BBS9: variants seen among roughly 807,000 people sequenced by gnomAD.
BBS9 encodes Bardet-Biedl syndrome 9, also known as protein PTHB1.
BBS9 carries 89 observed loss-of-function variants against 117.7 expected under a neutral mutation model. The observed-to-expected ratio is 0.76, with a 90% CI of 0.64 to 0.90. The LOEUF (loss-of-function observed/expected upper bound fraction) is 0.90. Ranked by LOEUF, BBS9 falls within the 40% of genes least tolerant of loss-of-function variation. BBS9 has a pLI of 0.00. For synonymous variants in BBS9, 379 were observed against 370.9 expected, an observed-to-expected ratio of 1.02 and a Z score of -0.25; for missense variants, 982 against 1,042.2, an observed-to-expected ratio of 0.94 and a Z score of 0.80.
intron 9 of BBS9, among the ~76,000 whole-genome samples, chr7:33,311,744 G>A (rs1464620174): frequency 1.3e-5 from 2 of 151,934 alleles, no homozygotes; most frequent in Non-Finnish European, 2.9e-5. Context: ...TTGAACCTGA[G>A]AGGCGGAGGT....
chr7:33,252,916 A>G (rs1796446248), intron 5 of BBS9, among the ~76,000 whole-genome samples: 1 of 152,224 alleles, frequency 6.6e-6, no homozygotes, highest in South Asian at 2.1e-4. Flanking sequence ...ATGAAAACCC[A>G]TATTTCTACC....
At chr7:33,345,264 A>T (rs1218725605) in intron 12 of BBS9, among the ~76,000 whole-genome samples, 1 of 152,240 alleles carries the variant, frequency 6.6e-6, no homozygotes, top group African/African-American at 2.4e-5. Context: ...ACTAGAACTT[A>T]AATGTAGAAC....
chr7:33,283,024 A>G (rs1375112520), intron 9 of BBS9, among the ~76,000 whole-genome samples: 1 of 152,116 alleles, frequency 6.6e-6, no homozygotes, highest in Non-Finnish European at 1.5e-5. Flanking sequence ...TGTAATCACA[A>G]TTTCTATAGT....
chr7:33,544,814 T>C (rs1454463468), intron 21 of BBS9, among the ~76,000 whole-genome samples: 2 of 151,864 alleles, frequency 1.3e-5, no homozygotes, highest in East Asian at 3.9e-4. Context: ...ACCACACAGG[T>C]CGGGGTGGGA....
intron 5 of BBS9, among the ~76,000 whole-genome samples, chr7:33,234,718 T>C (rs112297784): frequency 5.4e-5 from 8 of 149,338 alleles, no homozygotes; most frequent in African/African-American, 1.2e-4. Flanking sequence ...CACACACACA[T>C]ACATTTATAT....
At chr7:33,266,885 G>T (rs1486423019) in intron 7 of BBS9, among the ~76,000 whole-genome samples, 2 of 152,170 alleles carry the variant, frequency 1.3e-5, no homozygotes, top group Admixed American at 1.3e-4. Flanking sequence ...TGGGACTATA[G>T]GCATGTATCA....
At chr7:33,632,561 C>T (rs1315283118) in intron 21 of BBS9, among the ~76,000 whole-genome samples, 3 of 152,202 alleles carry the variant, frequency 2.0e-5, no homozygotes, top group Admixed American at 6.5e-5. Context: ...CTTGTCCTCC[C>T]TCTGGGTTCG....
At position 33,604,949 on chromosome 7, in the gene BBS9, A is replaced by ATC. The variant is rs1864365363; in HGVS notation, c.2609_2610dup (p.Thr871SerfsTer74). The ATC allele has an allele frequency of 6.2e-7, 1 of 1,612,804 alleles. No individual in the cohort carries two copies. ...ACAGAACTGTTTACCAACCACAGAC[A>ATC]TCTCACTGCAGAGACACCCAGGCCT... On this transcript the variant is annotated frameshift_variant, in exon 22 of 23. Transcript: ENST00000242067. LOFTEE classifies it high-confidence loss of function.
chr7:33,228,753 G>A lies in BBS9; in HGVS notation c.443-28483G>A, dbSNP rs528151156. On this transcript the variant is annotated intron_variant, in intron 5 of 22. Transcript: ENST00000242067. ...TTTACAGTTCATTGAGTCTAAGTGG[G>A]TTATTATACAGGTCTTCATCTTTGT... Among the ~76,000 whole-genome samples the A allele has an allele frequency of 4.6e-5, 7 of 152,244 alleles. No individual in the cohort carries two copies. The South Asian group carries it at 1.5e-3, about 32-fold the overall frequency.
chr7:33,482,281 T>A (rs1842605494), intron 19 of BBS9, among the ~76,000 whole-genome samples: 1 of 152,224 alleles, frequency 6.6e-6, no homozygotes, highest in Non-Finnish European at 1.5e-5. Context: ...AGGGCCTTCC[T>A]GCTGGTTGAC....
At chr7:33,527,401 C>T (rs375684957) in intron 20 of BBS9, among the ~76,000 whole-genome samples, 19 of 152,268 alleles carry the variant, frequency 1.2e-4, no homozygotes, top group East Asian at 9.7e-4. Context: ...ATCAGCGAGA[C>T]TCCGTGGGCG....
At chr7:33,425,159 A>G (rs769221079) in intron 19 of BBS9, among the ~76,000 whole-genome samples, 3 of 152,158 alleles carry the variant, frequency 2.0e-5, no homozygotes, top group Non-Finnish European at 2.9e-5. Context: ...ACCATTCTAC[A>G]TAAATGGAGA....
intron 5 of BBS9, among the ~76,000 whole-genome samples, chr7:33,196,021 A>G (rs992360062): frequency 6.6e-6 from 1 of 152,150 alleles, no homozygotes; most frequent in Non-Finnish European, 1.5e-5. Flanking sequence ...AATAATATAT[A>G]TGAGCATAGT....
chr7:33,596,264 A>ACG (rs1196658039), intron 21 of BBS9, among the ~76,000 whole-genome samples: 14 of 105,068 alleles, frequency 1.3e-4, no homozygotes, highest in Non-Finnish European at 2.1e-4. Flanking sequence ...AGAAACACAC[A>ACG]CACACACACA....
chr7:33,134,645 G>A (rs1200010823), intron 1 of BBS9, among the ~76,000 whole-genome samples: 1 of 152,076 alleles, frequency 6.6e-6, no homozygotes, highest in Admixed American at 6.6e-5. Flanking sequence ...CAAGCTGAGA[G>A]GTGTGGTGGC....
chr7:33,217,202 A>G (rs1447121729), intron 5 of BBS9, among the ~76,000 whole-genome samples: 1 of 151,764 alleles, frequency 6.6e-6, no homozygotes, highest in Non-Finnish European at 1.5e-5. Flanking sequence ...ATTTTAAAAT[A>G]TATTTAAATG....
At chr7:33,574,646 G>T (rs964265975) in intron 21 of BBS9, among the ~76,000 whole-genome samples, 2 of 149,364 alleles carry the variant, frequency 1.3e-5, no homozygotes, top group Non-Finnish European at 3.0e-5. Flanking sequence ...CTGATACAGG[G>T]AAGAATAAGT....
At chr7:33,522,121 C>T (rs1848713561) in intron 20 of BBS9, among the ~76,000 whole-genome samples, 1 of 151,762 alleles carries the variant, frequency 6.6e-6, no homozygotes, top group Non-Finnish European at 1.5e-5. Context: ...GTATATGTGC[C>T]ACATTTTCTT....
intron 19 of BBS9, among the ~76,000 whole-genome samples, chr7:33,485,630 C>T (rs1237604060): frequency 1.6e-4 from 24 of 152,018 alleles, no homozygotes; most frequent in Non-Finnish European, 3.5e-4. Flanking sequence ...TAAAAAAAGG[C>T]ATTTTCCTAA....
Sources: allele counts gnomAD v4.1 joint callset (sites outside exome capture counted in the v4.1 genomes callset), GRCh38; gene constraint gnomAD v4.1.1; transcripts MANE v1.5; gene names NCBI Gene and HGNC (gene_info 2026-07-23, HGNC 2026-07-21).